CMTM3: variants seen among roughly 807,000 people sequenced by gnomAD.
The protein encoded by CMTM3 is CKLF like MARVEL transmembrane domain containing 3, also known as CKLF-like MARVEL transmembrane domain-containing protein 3.
In CMTM3, 7 loss-of-function variants were observed where a neutral mutation model predicts 18.2. The ratio of observed to expected loss-of-function variants is 0.38; its 90% CI spans 0.22 to 0.72. The LOEUF is 0.72. Among genes scored for constraint, CMTM3 ranks in the 30% least tolerant of loss-of-function variants. CMTM3 has a pLI of 0.46. For synonymous variants in CMTM3, 109 were observed against 111.2 expected, an observed-to-expected ratio of 0.98 and a Z score of 0.12; for missense variants, 227 against 249.2, an observed-to-expected ratio of 0.91 and a Z score of 0.60.
chr16:66,611,142 T>G (rs2015361159), intron 4 of CMTM3: 1 of 348,382 alleles, frequency 2.9e-6, no homozygotes, highest in Non-Finnish European at 5.1e-6. Flanking sequence ...AAAATTATTC[T>G]TGACTTATAT....
At chr16:66,605,000 C>T (rs1453787306) in intron 1 of CMTM3, 48 bp downstream of exon 1, 3 of 1,402,440 alleles carry the variant, frequency 2.1e-6, no homozygotes, top group East Asian at 6.1e-5. Context: ...TGCGCGGCTC[C>T]TTTCGGAGGA....
In CMTM3 at chr16:66,610,190, C is replaced by T. The variant is rs969530792; in HGVS notation, c.520+187C>T. The T allele has an allele frequency of 5.7e-6, 4 of 702,200 alleles. No homozygotes were observed. Among genetic ancestry groups the T allele is most frequent in the African/African-American group, 1.8e-5 (1 of 55,708 alleles). 43.5% of individuals were successfully genotyped at this position (702,200 alleles called of 1,614,324 possible). ...CAAAGCCAGTCCCATTCGCCTCGTGCACCCTCACCCCAGCCTTTCTAGGAG... is the reference window on the plus strand; with the variant it reads ...CAAAGCCAGTCCCATTCGCCTCGTGTACCCTCACCCCAGCCTTTCTAGGAG... On this transcript the variant is annotated intron_variant, in intron 4 of 4. Transcript: ENST00000567572. The surrounding 1 kb of genome is among the most constrained non-coding windows in gnomAD (Gnocchi z 4.6).
Position 66,608,371 on chromosome 16 carries a change from G to A in CMTM3, c.210G>A (p.Ala70=), listed in dbSNP as rs2015240839. 5.0e-6 allele frequency: 8 copies of A among 1,614,132 alleles called. No homozygotes were observed. Among genetic ancestry groups the A allele is most frequent in the South Asian group, 2.2e-5 (2 of 91,082 alleles). The part of the protein sequence containing the change: ...VASSASAFLT[A]PLLEFLLALY... ...CCTCAGCATCTGCCTTCCTCACAGCGCCTCTGCTGGAGTTCCTGCTGGCCT... is the reference window on the plus strand; with the variant it reads ...CCTCAGCATCTGCCTTCCTCACAGCACCTCTGCTGGAGTTCCTGCTGGCCT... Residue 70 remains alanine, a synonymous_variant, in exon 2 of 5, where the codon GCG becomes GCA. Coordinates refer to ENST00000567572, the MANE Select transcript of CMTM3 (RefSeq NM_181553.4). The surrounding 1 kb of genome is among the most constrained non-coding windows in gnomAD (Gnocchi z 5.1).
At position 66,613,256 on chromosome 16, in the gene CMTM3, A is replaced by G; in HGVS notation, c.*619A>G. ...TAACTAACACCTCCCACCCTTGGAA[A>G]CCATGTCTTCTGGGGGTGAGATGAC... On this transcript the variant is annotated 3_prime_UTR_variant, in exon 5 of 5. Transcript: ENST00000567572. 1.5e-6 allele frequency: 1 copy of G among 646,932 alleles called. No individual in the cohort carries two copies. Among genetic ancestry groups the G allele is most frequent in the Non-Finnish European group, 2.8e-6 (1 of 357,900 alleles). The allele number at this position is 646,932 out of a possible 1,614,324, so 40.1% of individuals were successfully genotyped here.
Position 66,605,842 on chromosome 16 carries a change from G to A in CMTM3, c.147+890G>A, listed in dbSNP as rs905971710. Among the ~76,000 whole-genome samples, 5 of 152,146 alleles carry A rather than the reference G, an allele frequency of 3.3e-5. No homozygotes were observed. The highest frequency in any genetic ancestry group is 5.9e-5 in the Non-Finnish European group (4 of 68,020). On this transcript the variant is annotated intron_variant, in intron 1 of 4. Transcript: ENST00000567572. The surrounding 1 kb of genome is among the most constrained non-coding windows in gnomAD (Gnocchi z 4.6). ...CCGGGACCTCTCCCTGGTCACTCAGGGCAGAGGGCAGAAGGTGGTCCTGCA... is the reference window on the plus strand; with the variant it reads ...CCGGGACCTCTCCCTGGTCACTCAGAGCAGAGGGCAGAAGGTGGTCCTGCA...
rs1486761608 is a variant in CMTM3 at position 66,613,728 on chromosome 16, T to G, written c.*1091T>G. The stretch of plus-strand genomic sequence containing the variant: ...CTCTTACCCTGAAAAAAAGCCATAA[T>G]GAATTAAGCCAGACTGACCACTTGC... On this transcript the variant is annotated 3_prime_UTR_variant, in exon 5 of 5. Coordinates refer to ENST00000567572, the MANE Select transcript of CMTM3 (RefSeq NM_181553.4). 1.3e-5 allele frequency: 2 copies of G among 152,488 alleles called. No individual in the cohort carries two copies. Among genetic ancestry groups the G allele is most frequent in the African/African-American group, 2.4e-5 (1 of 41,440 alleles). 9.4% of individuals were successfully genotyped at this position (152,488 alleles called of 1,614,324 possible).
intron 1 of CMTM3, among the ~76,000 whole-genome samples, chr16:66,607,628 G>A (rs1030471105): frequency 6.6e-6 from 1 of 152,168 alleles, no homozygotes; most frequent in African/African-American, 2.4e-5. Flanking sequence ...ACGAGCACAC[G>A]TCTTTGGTGT....
At position 66,609,942 on chromosome 16, in the gene CMTM3, C is replaced by T. The variant is rs777839983; in HGVS notation, c.459C>T (p.Asp153=). Reference sequence around the variant, plus strand: ...CTGATTTCTACCTGATCTTTAACGACGTGGCCAAATTCCTCAAACAAGGGG... The same window carrying T: ...CTGATTTCTACCTGATCTTTAACGATGTGGCCAAATTCCTCAAACAAGGGG... The part of the protein sequence containing the change: ...FATDFYLIFN[D]VAKFLKQGDS... The change falls in exon 4 of 5, where the codon GAC becomes GAT. Residue 153 remains aspartate, a synonymous_variant. Transcript: ENST00000567572. This position sits in a 1 kb window ranked among gnomAD's most constrained non-coding sequence, Gnocchi z 4.4. 1.7e-5 allele frequency: 28 copies of T among 1,614,038 alleles called. No homozygotes were observed. The highest frequency in any genetic ancestry group is 1.9e-5 in the Non-Finnish European group (23 of 1,180,040).
chr16:66,610,419 G>A lies in CMTM3; in HGVS notation c.520+416G>A, dbSNP rs981825277. 6.6e-6 allele frequency among the ~76,000 whole-genome samples: 1 copy of A among 152,196 alleles called. No homozygotes were observed. The highest frequency in any genetic ancestry group is 2.4e-5 in the African/African-American group (1 of 41,454). ...CAGAAAGGAGTCAGACCCAGAAACCGTGGCAAGGGACAGATGATGTGTCCC... is the reference window on the plus strand; with the variant it reads ...CAGAAAGGAGTCAGACCCAGAAACCATGGCAAGGGACAGATGATGTGTCCC... On this transcript the variant is annotated intron_variant, in intron 4 of 4. Transcript: ENST00000567572. The surrounding 1 kb of genome is among the most constrained non-coding windows in gnomAD (Gnocchi z 4.6).
Position 66,604,907 on chromosome 16 carries a change from G to A in CMTM3, c.102G>A (p.Arg34=), listed in dbSNP as rs781742347. The A allele has an allele frequency of 2.9e-5, 43 of 1,471,988 alleles. No homozygotes were observed. The highest frequency in any genetic ancestry group is 3.7e-5 in the Non-Finnish European group (41 of 1,119,522). The allele number at this position is 1,471,988 out of a possible 1,614,324, so 91.2% of individuals were successfully genotyped here. A position where few individuals can be genotyped will look rare whatever the true frequency, so the allele number is the denominator to read the frequency against. The part of the protein sequence containing the change: ...VPGLRALLPA[R]AFLCSLKGRL... ...GGCTCCGCGCCCTGCTGCCGGCGCG[G>A]GCTTTCCTCTGCTCTCTCAAAGGCC... Residue 34 remains arginine (R), a synonymous_variant, in exon 1 of 5, where the codon CGG becomes CGA. Transcript: ENST00000567572.
rs776875388 is a variant in CMTM3, at chr16:66,609,966, G to A, written c.483G>A (p.Gly161=). The A allele has an allele frequency of 1.2e-6, 2 of 1,614,126 alleles. No homozygotes were observed. Among genetic ancestry groups the A allele is most frequent in the Non-Finnish European group, 1.7e-6 (2 of 1,180,022 alleles). The change falls in exon 4 of 5, where the codon GGG becomes GGA. Residue 161 remains glycine, a synonymous_variant. Coordinates refer to ENST00000567572, the MANE Select transcript of CMTM3 (RefSeq NM_181553.4). This position sits in a 1 kb window ranked among gnomAD's most constrained non-coding sequence, Gnocchi z 4.4. ...FNDVAKFLKQ[G]DSADETTAHK... is the part of the protein sequence containing the mutation. ...ACGTGGCCAAATTCCTCAAACAAGG[G>A]GACTCTGCAGATGAGACCACAGCCC...
At position 66,613,745 on chromosome 16, in the gene CMTM3, A is replaced by C. The variant is rs1446658955; in HGVS notation, c.*1108A>C. 1.3e-5 allele frequency: 2 copies of C among 152,348 alleles called. No homozygotes were observed. Among genetic ancestry groups the C allele is most frequent in the African/African-American group, 4.8e-5 (2 of 41,438 alleles). 9.4% of individuals were successfully genotyped at this position (152,348 alleles called of 1,614,324 possible). A position where few individuals can be genotyped will look rare whatever the true frequency, so the allele number is the denominator to read the frequency against. ...AGCCATAATGAATTAAGCCAGACTG[A>C]CCACTTGCTTGGAGTGTGTGCTTGA... On this transcript the variant is annotated 3_prime_UTR_variant, in exon 5 of 5. Coordinates refer to ENST00000567572, the MANE Select transcript of CMTM3 (RefSeq NM_181553.4).
rs561900988 is a variant in CMTM3 at position 66,609,188 on chromosome 16, A to G, written c.304-247A>G. Among the ~76,000 whole-genome samples, 1 of 152,174 alleles carries G rather than the reference A, an allele frequency of 6.6e-6. No homozygotes were observed. The highest frequency in any genetic ancestry group is 1.9e-4 in the East Asian group (1 of 5,200). ...GGGCAGGCTGCACCCTGATCCACAC[A>G]GTTTTTTGCCCAGAGCTTAGGACAG... On this transcript the variant is annotated intron_variant, in intron 2 of 4. Transcript: ENST00000567572. The surrounding 1 kb of genome is among the most constrained non-coding windows in gnomAD (Gnocchi z 4.4).
At position 66,605,018 on chromosome 16, in the gene CMTM3, G is replaced by GC; in HGVS notation, c.147+66_147+67insC. 1 of 1,341,124 alleles carries GC rather than the reference G, an allele frequency of 7.5e-7. No individual in the cohort carries two copies. Among genetic ancestry groups the GC allele is most frequent in the Non-Finnish European group, 9.6e-7 (1 of 1,044,226 alleles). The allele number at this position is 1,341,124 out of a possible 1,614,324, so 83.1% of individuals were successfully genotyped here. A position where few individuals can be genotyped will look rare whatever the true frequency, so the allele number is the denominator to read the frequency against. ...GCGGCTCCTTTCGGAGGAGGACGTCGGGGCGCGGGTGGGGTCCGGGGGCGG... is the reference window on the plus strand; with the variant it reads ...GCGGCTCCTTTCGGAGGAGGACGTCGCGGGCGCGGGTGGGGTCCGGGGGCGG... On this transcript the variant is annotated intron_variant, in intron 1 of 4. Coordinates refer to ENST00000567572, the MANE Select transcript of CMTM3 (RefSeq NM_181553.4). The surrounding 1 kb of genome is among the most constrained non-coding windows in gnomAD (Gnocchi z 4.6).
chr16:66,609,998 C>G lies in CMTM3; in HGVS notation c.515C>G (p.Thr172Arg), dbSNP rs562372842. The G allele has an allele frequency of 1.9e-6, 3 of 1,614,096 alleles. No individual in the cohort carries two copies. The highest frequency in any genetic ancestry group is 2.5e-6 in the Non-Finnish European group (3 of 1,180,038). Reference sequence around the variant, plus strand: ...GCAGATGAGACCACAGCCCACAAGACAGAAGGTAAGCGGCTGCCCTGATCA... The same window carrying G: ...GCAGATGAGACCACAGCCCACAAGAGAGAAGGTAAGCGGCTGCCCTGATCA... ...DSADETTAHK[T>R]EEENSDSDSD The change falls in exon 4 of 5, where the codon ACA (threonine) becomes AGA (arginine). Residue 172 changes from threonine to arginine, a missense_variant. Transcript: ENST00000567572. The surrounding 1 kb of genome is among the most constrained non-coding windows in gnomAD (Gnocchi z 4.4).
chr16:66,607,939 G>A (rs1465094630), intron 1 of CMTM3, among the ~76,000 whole-genome samples: 2 of 151,846 alleles, frequency 1.3e-5, no homozygotes, highest in South Asian at 2.1e-4. Flanking sequence ...CGACCTCCCC[G>A]GGCTCAGGTG....
At chr16:66,607,641 G>A (rs565514647) in intron 1 of CMTM3, among the ~76,000 whole-genome samples, 1 of 152,142 alleles carries the variant, frequency 6.6e-6, no homozygotes, top group Admixed American at 6.5e-5. Flanking sequence ...TTTGGTGTTG[G>A]GTGTTACTTT....
rs1246709153 is a variant in CMTM3, at chr16:66,604,755, C to T, written c.-51C>T. 1.7e-6 allele frequency: 2 copies of T among 1,208,702 alleles called. No homozygotes were observed. The highest frequency in any genetic ancestry group is 3.4e-5 in the East Asian group (1 of 29,290). 74.9% of individuals were successfully genotyped at this position (1,208,702 alleles called of 1,614,324 possible). On this transcript the variant is annotated 5_prime_UTR_variant, in exon 1 of 5. Coordinates refer to ENST00000567572, the MANE Select transcript of CMTM3 (RefSeq NM_181553.4). Reference sequence around the variant, plus strand: ...GCCCGGGTTTCCGCTTCCCTCCGGGCGCGAGAAGAGGGGAGCCAGGCCGAG... The same window carrying T: ...GCCCGGGTTTCCGCTTCCCTCCGGGTGCGAGAAGAGGGGAGCCAGGCCGAG...
chr16:66,613,514 C>T lies in CMTM3; in HGVS notation c.*877C>T, dbSNP rs961088503. 4.9e-6 allele frequency: 1 copy of T among 203,182 alleles called. No individual in the cohort carries two copies. The highest frequency in any genetic ancestry group is 1.0e-5 in the Non-Finnish European group (1 of 100,020). The allele number at this position is 203,182 out of a possible 1,614,324, so 12.6% of individuals were successfully genotyped here. A position where few individuals can be genotyped will look rare whatever the true frequency, so the allele number is the denominator to read the frequency against. ...GGCCACTGCAGGAGATGAGACCAGCCTTCTGTGTTCACCTAACGATTTATA... is the reference window on the plus strand; with the variant it reads ...GGCCACTGCAGGAGATGAGACCAGCTTTCTGTGTTCACCTAACGATTTATA... On this transcript the variant is annotated 3_prime_UTR_variant, in exon 5 of 5. Transcript: ENST00000567572.
Sources: gnomAD v4.1 joint callset for allele counts (sites outside exome capture counted in the v4.1 genomes callset) on GRCh38, gnomAD v4.1.1 for gene constraint, Gnocchi (gnomAD v3.1) non-coding constraint, MANE v1.5 for transcripts, NCBI Gene and HGNC (gene_info 2026-07-23, HGNC 2026-07-21) for gene names.